The following KCNIP4 variants were observed in gnomAD, a reference collection of about 807,000 sequenced individuals.
KCNIP4 encodes the protein potassium voltage-gated channel interacting protein 4, also known as Kv channel-interacting protein 4.
A neutral mutation model predicts 34.0 loss-of-function variants in KCNIP4; 12 were observed. The ratio of observed to expected loss-of-function variants is 0.35; its 90% CI spans 0.23 to 0.57. The LOEUF (loss-of-function observed/expected upper bound fraction) is 0.57. KCNIP4 is among the 20% of genes least tolerant of loss of function. The pLI, the probability that KCNIP4 is intolerant of heterozygous loss-of-function variation, is 0.83. For synonymous variants in KCNIP4, 124 were observed against 102.2 expected (o/e 1.21, Z -1.29); for missense variants, 238 against 311.7 (o/e 0.76, Z 1.78).
chr4:21,819,448 C>T (rs955829520), intron 1 of KCNIP4, among the ~76,000 whole-genome samples: 7 of 152,182 alleles, frequency 4.6e-5, no homozygotes, highest in African/African-American at 1.4e-4. Flanking sequence ...TTTTCCTTCA[C>T]GTGTAACCTG....
At chr4:21,697,976 C>G (rs1354150471) in intron 1 of KCNIP4, 1 of 152,500 alleles carries the variant, frequency 6.6e-6, no homozygotes, top group African/African-American at 2.4e-5. Context: ...GAATGATTCC[C>G]AAAAAAAGGA....
At chr4:21,472,742 T>C (rs1730577243) in intron 1 of KCNIP4, among the ~76,000 whole-genome samples, 1 of 152,216 alleles carries the variant, frequency 6.6e-6, no homozygotes, top group African/African-American at 2.4e-5. Flanking sequence ...CAGCTAGATC[T>C]GTATTCAATC....
chr4:20,870,558 C>A (rs970289214), intron 2 of KCNIP4, among the ~76,000 whole-genome samples: 4 of 152,050 alleles, frequency 2.6e-5, no homozygotes, highest in Non-Finnish European at 4.4e-5. Context: ...AAATCTTTGT[C>A]CCCTAAATTG....
intron 1 of KCNIP4, among the ~76,000 whole-genome samples, chr4:21,666,539 A>G (rs1748972760): frequency 6.6e-6 from 1 of 152,220 alleles, no homozygotes; most frequent in Admixed American, 6.5e-5. Context: ...TGCTTAATAT[A>G]TGAAGGAGGA....
intron 1 of KCNIP4, among the ~76,000 whole-genome samples, chr4:21,012,710 AAAG>A (rs1739163888): frequency 6.6e-6 from 1 of 152,258 alleles, no homozygotes; most frequent in African/African-American, 2.4e-5. Context: ...TTAGTGTCAC[AAAG>A]AAGGAGTTTG....
chr4:21,870,755 C>T (rs1176960993), intron 1 of KCNIP4, among the ~76,000 whole-genome samples: 2 of 152,160 alleles, frequency 1.3e-5, no homozygotes, highest in Non-Finnish European at 2.9e-5. Context: ...TGAACCAGCC[C>T]ACCAACAACA....
intron 3 of KCNIP4, among the ~76,000 whole-genome samples, chr4:20,834,963 T>G (rs1157382598): frequency 3.3e-5 from 5 of 152,202 alleles, no homozygotes; most frequent in Admixed American, 6.5e-5. Flanking sequence ...TTTCAGGTGC[T>G]TCTCTCTTAC....
chr4:21,634,446 A>C (rs963801840), intron 1 of KCNIP4, among the ~76,000 whole-genome samples: 20 of 152,120 alleles, frequency 1.3e-4, no homozygotes. Flanking sequence ...AGAAAACATT[A>C]GAACTGGGAG....
chr4:21,368,845 C>G (rs1258949884), intron 1 of KCNIP4, among the ~76,000 whole-genome samples: 1 of 147,546 alleles, frequency 6.8e-6, no homozygotes, highest in Admixed American at 6.6e-5. Context: ...GCAGCACAAC[C>G]TATGTATGTT....
chr4:20,927,067 C>T (rs1577379083), intron 1 of KCNIP4, among the ~76,000 whole-genome samples: 1 of 151,538 alleles, frequency 6.6e-6, no homozygotes, highest in Admixed American at 6.6e-5. Flanking sequence ...CAACCTCCGC[C>T]TCCTGGGTTC....
chr4:21,305,439 G>T (rs1041031099), intron 1 of KCNIP4, among the ~76,000 whole-genome samples: 1 of 152,222 alleles, frequency 6.6e-6, no homozygotes, highest in African/African-American at 2.4e-5. Context: ...TTAGAAAAGA[G>T]TGAGTGCTCA....
chr4:21,491,696 T>A (rs553754803), intron 1 of KCNIP4, among the ~76,000 whole-genome samples: 1 of 152,286 alleles, frequency 6.6e-6, no homozygotes, highest in South Asian at 2.1e-4. Context: ...GAAATAGAGC[T>A]GTATGCTTAC....
At chr4:21,390,784 G>A (rs531720855) in intron 1 of KCNIP4, among the ~76,000 whole-genome samples, 8 of 152,220 alleles carry the variant, frequency 5.3e-5, no homozygotes, top group African/African-American at 1.4e-4. Context: ...TTGGCAATGC[G>A]GGCCCTTTTT....
chr4:20,856,164 A>T (rs2149489481), intron 2 of KCNIP4, among the ~76,000 whole-genome samples: 1 of 152,338 alleles, frequency 6.6e-6, no homozygotes, highest in East Asian at 1.9e-4. Context: ...ACTATGTTGT[A>T]TTATTGTATT....
chr4:21,735,396 G>A (rs1299674342), intron 1 of KCNIP4, among the ~76,000 whole-genome samples: 1 of 151,996 alleles, frequency 6.6e-6, no homozygotes, highest in East Asian at 1.9e-4. Context: ...AAACTTCATT[G>A]CATCCTAATT....
At chr4:21,477,027 G>A (rs1458059592) in intron 1 of KCNIP4, among the ~76,000 whole-genome samples, 2 of 152,136 alleles carry the variant, frequency 1.3e-5, no homozygotes, top group East Asian at 3.9e-4. Context: ...GAGACTGCTT[G>A]TTACCAGCGG....
At chr4:20,886,002 T>C (rs1725264895) in intron 1 of KCNIP4, among the ~76,000 whole-genome samples, 1 of 152,190 alleles carries the variant, frequency 6.6e-6, no homozygotes, top group African/African-American at 2.4e-5. Flanking sequence ...ATGCCCATAG[T>C]TTTCTATGTT....
intron 1 of KCNIP4, among the ~76,000 whole-genome samples, chr4:21,036,772 G>A (rs1741481349): frequency 6.6e-6 from 1 of 152,146 alleles, no homozygotes; most frequent in Non-Finnish European, 1.5e-5. Context: ...GTTTCATGAC[G>A]GCTTTTTAAA....
intron 1 of KCNIP4, among the ~76,000 whole-genome samples, chr4:21,877,221 C>T (rs965848718): frequency 5.3e-5 from 8 of 151,904 alleles, no homozygotes; most frequent in African/African-American, 1.5e-4. Flanking sequence ...AGTGTGGTGG[C>T]GGGTCCCTGT....
Sources: gnomAD v4.1 joint callset for allele counts (sites outside exome capture counted in the v4.1 genomes callset) on GRCh38, gnomAD v4.1.1 for gene constraint, MANE v1.5 for transcripts, NCBI Gene and HGNC (gene_info 2026-07-23, HGNC 2026-07-21) for gene names.